DAB1: variants seen among roughly 807,000 people sequenced by gnomAD.
The protein encoded by DAB1 is disabled homolog 1.
Under a neutral mutation model 64.6 loss-of-function variants are expected in DAB1, and 15 were observed. The observed-to-expected ratio is 0.23, with a 90% CI of 0.16 to 0.36. The LOEUF is 0.36. Among genes scored for constraint, DAB1 ranks in the 10% least tolerant of loss-of-function variants. The probability of loss-of-function intolerance (pLI) is 1.00; values close to 1 mark genes in which losing one functional copy is unlikely to be tolerated. For synonymous variants in DAB1, 235 were observed against 251.9 expected (o/e 0.93, Z 0.64); for missense variants, 596 against 706.7 (o/e 0.84, Z 1.78).
chr1:57,052,532 G>C (rs185881135), intron 9 of DAB1, among the ~76,000 whole-genome samples: 138 of 152,256 alleles, frequency 9.1e-4, no homozygotes, highest in Middle Eastern at 6.8e-3. Context: ...AAGTTCAGAA[G>C]GCAACACCAT....
rs949454407 is a variant in DAB1, at chr1:57,154,919, G to A, written c.68-9490C>T. Among the ~76,000 whole-genome samples, 5 of 151,954 alleles carry A rather than the reference G, an allele frequency of 3.3e-5. No homozygotes were observed. In the South Asian group the frequency reaches 1.0e-3, roughly 32 times the overall value. Reference sequence around the variant, plus strand: ...GATTTTTTCCTATGGAGTTGTTTGAGCTCCTTATATTTAATCCCTTTTCAG... The same window carrying A: ...GATTTTTTCCTATGGAGTTGTTTGAACTCCTTATATTTAATCCCTTTTCAG... On this transcript the variant is annotated intron_variant, in intron 2 of 14. Coordinates refer to ENST00000371236, the MANE Select transcript of DAB1 (RefSeq NM_001365792.1).
chr1:57,788,870 G>T (rs1650458533), intron 6 of DAB1, among the ~76,000 whole-genome samples: 1 of 152,048 alleles, frequency 6.6e-6, no homozygotes, highest in South Asian at 2.1e-4. Context: ...GAGATAAAAG[G>T]GTTCATATCT....
chr1:57,881,864 T>C (rs1644149663), intron 1 of DAB1, among the ~76,000 whole-genome samples: 1 of 152,186 alleles, frequency 6.6e-6, no homozygotes, highest in Non-Finnish European at 1.5e-5. Flanking sequence ...ACATTTAATT[T>C]GTTCTATAAA....
intron 1 of DAB1, among the ~76,000 whole-genome samples, chr1:58,535,663 C>T (rs142317871): frequency 1.3e-5 from 2 of 150,870 alleles, no homozygotes; most frequent in East Asian, 2.0e-4. Context: ...GACATGAATT[C>T]GAAAAATATT....
intron 6 of DAB1, among the ~76,000 whole-genome samples, chr1:57,664,174 G>A (rs1184805176): frequency 6.6e-6 from 1 of 152,146 alleles, no homozygotes; most frequent in East Asian, 1.9e-4. Context: ...GCATTTGGTA[G>A]ATATATTATT....
At chr1:57,621,397 G>A (rs1041950200) in intron 7 of DAB1, among the ~76,000 whole-genome samples, 3 of 151,480 alleles carry the variant, frequency 2.0e-5, no homozygotes, top group Admixed American at 6.6e-5. Flanking sequence ...GTGCGTGGGG[G>A]TGGGGAAGAG....
intron 1 of DAB1, among the ~76,000 whole-genome samples, chr1:57,831,595 G>T (rs566422899): frequency 7.1e-6 from 1 of 141,196 alleles, no homozygotes. Context: ...AGGCTGGAGT[G>T]CAGTGACAGG....
chr1:57,650,307 T>C lies in DAB1; in HGVS notation n.552-642A>G, dbSNP rs545878272. ...CTACAGGTGTGCCACCACGCCTGGC[T>C]AATTTTTGCATTTTTTTATAGAGAC... is the stretch of plus-strand genomic sequence containing the variant. On this transcript the variant is annotated intron_variant and non_coding_transcript_variant, in intron 6 of 20. Transcript: ENST00000485760. 2.5e-5 allele frequency among the ~76,000 whole-genome samples: 3 copies of C among 119,772 alleles called. No individual in the cohort carries two copies. In the South Asian group the frequency reaches 7.9e-4, roughly 32 times the overall value. The allele number at this position is 119,772 out of a possible 152,430, so 78.6% of individuals were successfully genotyped here. A position where few individuals can be genotyped will look rare whatever the true frequency, so the allele number is the denominator to read the frequency against.
chr1:57,342,123 G>A (rs752187369), intron 1 of DAB1, among the ~76,000 whole-genome samples: 20 of 152,212 alleles, frequency 1.3e-4, no homozygotes, highest in Admixed American at 6.5e-5. Context: ...GAACAACTCA[G>A]AAGTTCTCAA....
chr1:57,466,386 T>C (rs1686953543), intron 7 of DAB1, among the ~76,000 whole-genome samples: 1 of 151,846 alleles, frequency 6.6e-6, no homozygotes, highest in Non-Finnish European at 1.5e-5. Flanking sequence ...TTTTTAGAAT[T>C]AGGAAACTTT....
intron 5 of DAB1, among the ~76,000 whole-genome samples, chr1:58,014,531 T>C (rs1646712171): frequency 1.3e-5 from 2 of 152,206 alleles, no homozygotes; most frequent in East Asian, 3.9e-4. Flanking sequence ...ATGTGGCCCT[T>C]GGGCCCTCGG....
chr1:58,206,729 A>C (rs1332411467), intron 4 of DAB1, among the ~76,000 whole-genome samples: 1 of 152,222 alleles, frequency 6.6e-6, no homozygotes, highest in Non-Finnish European at 1.5e-5. Context: ...TCTGAGTTTA[A>C]GCTTTTATTG....
Position 57,332,828 on chromosome 1 carries a change from T to C in DAB1, c.-136-41662A>G, listed in dbSNP as rs185719131. On this transcript the variant is annotated intron_variant, in intron 1 of 14. Coordinates refer to ENST00000371236, the MANE Select transcript of DAB1 (RefSeq NM_001365792.1). ...TGGAAGTTGGAGTAAAGTCCAGACT[T>C]CTTACCCTGTTCTGCAATGCTCTGT... 1.7e-3 allele frequency among the ~76,000 whole-genome samples: 252 copies of C among 152,294 alleles called. 1 individual carries two copies. The highest frequency in any genetic ancestry group is 5.5e-3 in the African/African-American group (227 of 41,556).
At chr1:58,133,940 C>G (rs1005641709) in intron 5 of DAB1, among the ~76,000 whole-genome samples, 2 of 152,158 alleles carry the variant, frequency 1.3e-5, no homozygotes, top group African/African-American at 4.8e-5. Context: ...TTTCCCACCC[C>G]CAAGGCACAC....
chr1:57,885,384 C>T (rs905628425), upstream of DAB1, among the ~76,000 whole-genome samples: 4 of 152,118 alleles, frequency 2.6e-5, no homozygotes, highest in African/African-American at 4.8e-5. Context: ...TGCAGTCCCT[C>T]GAAGTCCATA....
At chr1:57,777,129 T>G (rs1649841660) in intron 6 of DAB1, among the ~76,000 whole-genome samples, 1 of 148,790 alleles carries the variant, frequency 6.7e-6, no homozygotes, top group African/African-American at 2.4e-5. Flanking sequence ...TTTTCCGTTA[T>G]TTTCTGAATT....
At chr1:57,000,476 A>G (rs1645817470) in intron 14 of DAB1, among the ~76,000 whole-genome samples, 1 of 152,180 alleles carries the variant, frequency 6.6e-6, no homozygotes, top group African/African-American at 2.4e-5. Flanking sequence ...ATACACTCCA[A>G]TTTGGCTTTA....
chr1:57,979,672 C>G (rs1231365769), intron 5 of DAB1, among the ~76,000 whole-genome samples: 2 of 152,236 alleles, frequency 1.3e-5, no homozygotes, highest in South Asian at 4.1e-4. Context: ...GATTTGGTGT[C>G]TGGCTTTGAA....
intron 3 of DAB1, among the ~76,000 whole-genome samples, chr1:58,355,187 A>G (rs1644098284): frequency 6.6e-6 from 1 of 152,218 alleles, no homozygotes; most frequent in South Asian, 2.1e-4. Context: ...AATTGAGGGA[A>G]GCAAACACAC....
Sources: allele counts gnomAD v4.1 joint callset (sites outside exome capture counted in the v4.1 genomes callset), GRCh38; gene constraint gnomAD v4.1.1; transcripts MANE v1.5; gene names NCBI Gene and HGNC (gene_info 2026-07-23, HGNC 2026-07-21).